Variants in KCTD5 observed in about 807,000 individuals in gnomAD.
KCTD5 encodes the protein BTB/POZ domain-containing protein KCTD5.
Under a neutral mutation model 27.9 loss-of-function variants are expected in KCTD5, and 12 were observed. The observed-to-expected ratio is 0.43, with a 90% CI of 0.28 to 0.70. The LOEUF is 0.70. Ranked by LOEUF, KCTD5 falls within the 30% of genes least tolerant of loss-of-function variation. The probability of loss-of-function intolerance (pLI) is 0.19; values close to 1 mark genes in which losing one functional copy is unlikely to be tolerated. For synonymous variants in KCTD5, 147 were observed against 121.4 expected (o/e 1.21, Z -1.39); for missense variants, 226 against 274.8 (o/e 0.82, Z 1.26).
At chr16:2,701,228 C>G (rs908453134) in intron 4 of KCTD5, among the ~76,000 whole-genome samples, 2 of 152,232 alleles carry the variant, frequency 1.3e-5, no homozygotes, top group South Asian at 4.1e-4. Flanking sequence ...AAACCCATTG[C>G]AAAGAACGGG....
chr16:2,704,901 C>A (rs1322171947), intron 5 of KCTD5, among the ~76,000 whole-genome samples: 1 of 152,226 alleles, frequency 6.6e-6, no homozygotes, highest in African/African-American at 2.4e-5. Flanking sequence ...GGACAGGGTT[C>A]AGCCCCTCAG....
intron 1 of KCTD5, among the ~76,000 whole-genome samples, chr16:2,692,046 G>A (rs1220266644): frequency 2.6e-5 from 4 of 152,270 alleles, no homozygotes; most frequent in Non-Finnish European, 4.4e-5. Flanking sequence ...GGACTGAGAC[G>A]AGCTGGGCAG....
At chr16:2,693,845 C>T (rs528223646) in intron 1 of KCTD5, among the ~76,000 whole-genome samples, 2 of 150,120 alleles carry the variant, frequency 1.3e-5, no homozygotes, top group African/African-American at 2.5e-5. Context: ...ACCTTTTGCT[C>T]GTAAAGAAAC....
intron 4 of KCTD5, among the ~76,000 whole-genome samples, chr16:2,702,053 G>T (rs2067614344): frequency 1.3e-5 from 2 of 152,200 alleles, no homozygotes; most frequent in Non-Finnish European, 2.9e-5. Flanking sequence ...CCAGCTCAGG[G>T]ACCCGTCTGT....
At chr16:2,703,455 C>T (rs560800270) in intron 5 of KCTD5, among the ~76,000 whole-genome samples, 6 of 152,262 alleles carry the variant, frequency 3.9e-5, no homozygotes, top group East Asian at 3.9e-4. Flanking sequence ...AGGCCAGAAC[C>T]GGAAGGCTTT....
intron 4 of KCTD5, 75 bp from the exon 5 acceptor site, chr16:2,702,278 T>G: frequency 1.3e-6 from 2 of 1,588,590 alleles, no homozygotes; most frequent in Non-Finnish European, 1.7e-6. Flanking sequence ...AGGCGCGTCC[T>G]GAGGCTGGTC....
In KCTD5 at chr16:2,701,833, T is replaced by A. The variant is rs1158347206; in HGVS notation, c.550-520T>A. On this transcript the variant is annotated intron_variant, in intron 4 of 5. Transcript: ENST00000301738. ...GAGACAGGTTGGCCCTGGACCTGCA[T>A]TGGCCTGGCCTGCCTGGTGACCCGG... 2.0e-5 allele frequency among the ~76,000 whole-genome samples: 3 copies of A among 152,208 alleles called. No homozygotes were observed. In the East Asian group the frequency reaches 5.8e-4, roughly 29 times the overall value.
chr16:2,704,936 C>G (rs965630116), intron 5 of KCTD5, among the ~76,000 whole-genome samples: 1 of 152,178 alleles, frequency 6.6e-6, no homozygotes, highest in Admixed American at 6.5e-5. Context: ...GGACCAGCCC[C>G]GGATCGCAAG....
intron 1 of KCTD5, among the ~76,000 whole-genome samples, chr16:2,690,994 C>T (rs980942540): frequency 6.6e-6 from 1 of 152,240 alleles, no homozygotes; most frequent in African/African-American, 2.4e-5. Context: ...CTGGGCTGGG[C>T]ACTGTCTGGG....
intron 5 of KCTD5, among the ~76,000 whole-genome samples, chr16:2,704,848 T>C (rs1405414826): frequency 1.3e-5 from 2 of 152,184 alleles, no homozygotes; most frequent in Non-Finnish European, 2.9e-5. Flanking sequence ...ATCTGTGGGC[T>C]AGCGCCGCCT....
intron 1 of KCTD5, among the ~76,000 whole-genome samples, chr16:2,688,243 A>ATATATATATTTATTTATT (rs1282831421): frequency 3.1e-5 from 2 of 64,266 alleles, no homozygotes; most frequent in African/African-American, 1.0e-4. Context: ...ATATATATAT[A>ATATATATATTTATTTATT]TATTTATTTA....
chr16:2,682,912 G>A (rs559523456), intron 1 of KCTD5, 112 bp downstream of exon 1: 2 of 1,313,520 alleles, frequency 1.5e-6, no homozygotes, highest in Admixed American at 3.5e-5. Flanking sequence ...GACTCTCCTC[G>A]GGCTTCGAGC....
chr16:2,693,440 G>A (rs559807141), intron 1 of KCTD5, among the ~76,000 whole-genome samples: 73 of 152,354 alleles, frequency 4.8e-4, no homozygotes, highest in African/African-American at 1.5e-3. Flanking sequence ...GGAAAAGCCA[G>A]CCCCGCCCAG....
chr16:2,697,808 C>T (rs1005814129), intron 2 of KCTD5, 98 bp from the exon 3 acceptor site: 2 of 837,070 alleles, frequency 2.4e-6, no homozygotes, highest in Non-Finnish European at 4.0e-6. Flanking sequence ...CATGGGCCCT[C>T]ATTGCAGGGG....
intron 1 of KCTD5, 62 bp downstream of exon 1, chr16:2,682,862 C>T (rs1158743151): frequency 6.7e-7 from 1 of 1,499,522 alleles, no homozygotes; most frequent in Non-Finnish European, 8.8e-7. Context: ...CTCCTGCACA[C>T]GCCCTGCTTC....
chr16:2,697,902 C>G lies in KCTD5; in HGVS notation c.362-4C>G, dbSNP rs1391238857. On this transcript the variant is annotated splice_region_variant and splice_polypyrimidine_tract_variant and intron_variant, in intron 2 of 5. Transcript: ENST00000301738. ...TAAAGACAATTTATTTTTCCTTATT[C>G]CAGGAGTGTTGGAGGAAGCAGAATT... The G allele has an allele frequency of 3.2e-6, 5 of 1,586,994 alleles. No homozygotes were observed. Among genetic ancestry groups the G allele is most frequent in the Non-Finnish European group, 3.5e-6 (4 of 1,156,066 alleles).
In KCTD5 at chr16:2,707,394, CA is replaced by C. The variant is rs1567197292; in HGVS notation, c.*68del. The C allele has an allele frequency of 6.7e-7, 1 of 1,500,430 alleles. No homozygotes were observed. The highest frequency in any genetic ancestry group is 9.3e-7 in the Non-Finnish European group (1 of 1,076,256). The allele number at this position is 1,500,430 out of a possible 1,614,324, so 92.9% of individuals were successfully genotyped here. A position where few individuals can be genotyped will look rare whatever the true frequency, so the allele number is the denominator to read the frequency against. On this transcript the variant is annotated 3_prime_UTR_variant, in exon 6 of 6. Coordinates refer to ENST00000301738, the MANE Select transcript of KCTD5 (RefSeq NM_018992.4). ...CCGAGATGTAATGAACTGCCATGTC[CA>C]GGAAGCTTGGCTGTGAGAAGAAACC... is the stretch of plus-strand genomic sequence containing the variant.
At chr16:2,699,260 C>T (rs1481118113) in intron 3 of KCTD5, 1 of 455,576 alleles carries the variant, frequency 2.2e-6, no homozygotes, top group Admixed American at 2.4e-5. Context: ...GGTGGCTCAC[C>T]ATCACTCCCA....
chr16:2,700,757 C>T (rs943664961), intron 4 of KCTD5, among the ~76,000 whole-genome samples: 1 of 152,152 alleles, frequency 6.6e-6, no homozygotes, highest in African/African-American at 2.4e-5. Flanking sequence ...GCTACCTTTT[C>T]CTTGGAGTCT....
Sources: gnomAD v4.1 joint callset for allele counts (sites outside exome capture counted in the v4.1 genomes callset) on GRCh38, gnomAD v4.1.1 for gene constraint, MANE v1.5 for transcripts, NCBI Gene and HGNC (gene_info 2026-07-23, HGNC 2026-07-21) for gene names.